Variants in ST7L observed in about 807,000 individuals in gnomAD.
ST7L encodes the protein suppressor of tumorigenicity 7 protein-like.
Under a neutral mutation model 72.5 loss-of-function variants are expected in ST7L, and 57 were observed. The ratio of observed to expected loss-of-function variants is 0.79; its 90% CI spans 0.64 to 0.98. The LOEUF (loss-of-function observed/expected upper bound fraction) is 0.98, where lower values mean the gene tolerates loss of function less well. Ranked by LOEUF, ST7L falls within the 50% of genes least tolerant of loss-of-function variation. The probability of loss-of-function intolerance (pLI) is 0.00; values close to 1 mark genes in which losing one functional copy is unlikely to be tolerated. For synonymous variants in ST7L, 221 were observed against 240.9 expected, an observed-to-expected ratio of 0.92 and a Z score of 0.77; for missense variants, 576 against 672.2, an observed-to-expected ratio of 0.86 and a Z score of 1.58.
At chr1:112,590,963 C>T (rs916323723) in intron 6 of ST7L, among the ~76,000 whole-genome samples, 1 of 135,460 alleles carries the variant, frequency 7.4e-6, no homozygotes, top group Non-Finnish European at 1.5e-5. Context: ...CAGAGTCTTG[C>T]TCTGTCGCCC....
At chr1:112,521,753 G>A (rs575907911), downstream of ST7L, 56 of 152,254 alleles carry the variant, frequency 3.7e-4, no homozygotes, top group African/African-American at 1.2e-3. Flanking sequence ...TTGCAGTAGT[G>A]GAATCTCCAG....
At chr1:112,573,348 C>CA (rs35107656) in intron 11 of ST7L, among the ~76,000 whole-genome samples, 1,352 of 69,184 alleles carry the variant, frequency 0.02, 12 homozygotes, top group African/African-American at 0.033. Context: ...AACTCCCTCT[C>CA]AAAAAAAAAA....
intron 14 of ST7L, among the ~76,000 whole-genome samples, chr1:112,535,908 G>A (rs1321671838): frequency 3.9e-5 from 6 of 152,076 alleles, no homozygotes; most frequent in Non-Finnish European, 5.9e-5. Context: ...GGTAGAGAAC[G>A]TCTTTTCTCT....
chr1:112,541,593 T>C (rs970847103), intron 14 of ST7L, among the ~76,000 whole-genome samples: 1 of 152,188 alleles, frequency 6.6e-6, no homozygotes, highest in Non-Finnish European at 1.5e-5. Flanking sequence ...TGAGAACTAA[T>C]GATTTCATTT....
intron 11 of ST7L, among the ~76,000 whole-genome samples, chr1:112,570,038 C>G (rs1661809032): frequency 6.9e-6 from 1 of 144,482 alleles, no homozygotes; most frequent in Non-Finnish European, 1.5e-5. Context: ...ATGAATGAAA[C>G]AGAATGCAGT....
chr1:112,595,592 A>G (rs1261446636), intron 5 of ST7L, among the ~76,000 whole-genome samples: 1 of 151,804 alleles, frequency 6.6e-6, no homozygotes, highest in Non-Finnish European at 1.5e-5. Context: ...GATGAATTTT[A>G]AACTTTTTTT....
At chr1:112,606,294 A>G (rs1668230366) in intron 3 of ST7L, among the ~76,000 whole-genome samples, 1 of 152,198 alleles carries the variant, frequency 6.6e-6, no homozygotes, top group African/African-American at 2.4e-5. Context: ...TTCCTTTCAC[A>G]TTTCACTATA....
chr1:112,593,009 T>C (rs1665930226), intron 5 of ST7L, among the ~76,000 whole-genome samples: 1 of 152,194 alleles, frequency 6.6e-6, no homozygotes, highest in Non-Finnish European at 1.5e-5. Flanking sequence ...TATTAATTTA[T>C]ACTTTTTCAG....
intron 6 of ST7L, among the ~76,000 whole-genome samples, chr1:112,584,486 C>T (rs1470761518): frequency 6.6e-6 from 1 of 151,802 alleles, no homozygotes; most frequent in East Asian, 1.9e-4. Context: ...CTCTACTGGT[C>T]ATACCTGCTT....
chr1:112,519,354 G>A (rs118129401), downstream of ST7L, among the ~76,000 whole-genome samples: 67 of 152,240 alleles, frequency 4.4e-4, no homozygotes, highest in East Asian at 0.012. Flanking sequence ...AGTGACATTT[G>A]GAGACTAATT....
At chr1:112,520,576 T>G, downstream of ST7L, 1 of 1,512,016 alleles carries the variant, frequency 6.6e-7, no homozygotes, top group South Asian at 1.2e-5. Context: ...GATCCTTGCA[T>G]GCACACCTTC....
rs761547871 is a variant in ST7L at position 112,555,928 on chromosome 1, G to A, written c.1336C>T (p.Leu446Phe). The A allele has an allele frequency of 5.0e-6, 8 of 1,612,488 alleles. No homozygotes were observed. The highest frequency in any genetic ancestry group is 5.9e-6 in the Non-Finnish European group (7 of 1,179,030). Residue 446 changes from leucine (L) to phenylalanine (F), a missense_variant, in exon 12 of 15, where the codon CTT becomes TTT. Leu to Phe is a conservative substitution (Grantham distance 22). Transcript: ENST00000358039. Reference protein sequence around the residue: ...SEAIAYAFFHLQHWKRIEGAL... With the variant: ...SEAIAYAFFHFQHWKRIEGAL... ...CCTTCTATTCGTTTCCAGTGCTGAA[G>A]ATGAAAGAAAGCATAGGCAATTGCT...
intron 11 of ST7L, among the ~76,000 whole-genome samples, chr1:112,568,844 TTATAAA>T (rs1337407906): frequency 4.4e-4 from 45 of 101,860 alleles, no homozygotes; most frequent in Admixed American, 1.8e-3. Flanking sequence ...ACCCTGTTTT[TTATAAA>T]TATAAATATA....
chr1:112,597,807 A>T (rs1666701369), intron 5 of ST7L, among the ~76,000 whole-genome samples, 164 bp downstream of exon 5: 1 of 152,280 alleles, frequency 6.6e-6, no homozygotes, highest in South Asian at 2.1e-4. Context: ...CAGTGTATCA[A>T]CCTAGCTTAT....
intron 9 of ST7L, among the ~76,000 whole-genome samples, chr1:112,581,344 C>A (rs1231670818): frequency 2.0e-5 from 3 of 151,842 alleles, no homozygotes; most frequent in Non-Finnish European, 2.9e-5. Context: ...GCTCATTTGT[C>A]TGTATGCTCC....
intron 13 of ST7L, among the ~76,000 whole-genome samples, chr1:112,548,922 T>C (rs995299230): frequency 2.0e-5 from 3 of 152,194 alleles, no homozygotes; most frequent in Non-Finnish European, 4.4e-5. Flanking sequence ...GACTGCTCTT[T>C]TTCAATTCGT....
intron 11 of ST7L, among the ~76,000 whole-genome samples, chr1:112,566,540 G>A (rs934439727): frequency 6.6e-6 from 1 of 151,780 alleles, no homozygotes; most frequent in Non-Finnish European, 1.5e-5. Flanking sequence ...CTCGTGATCC[G>A]CCCTCCTCAG....
At chr1:112,611,611 T>C (rs1318666323) in intron 2 of ST7L, among the ~76,000 whole-genome samples, 1 of 152,182 alleles carries the variant, frequency 6.6e-6, no homozygotes, top group East Asian at 1.9e-4. Context: ...AGGATATTCA[T>C]TTCTTTCTAT....
chr1:112,587,209 G>A (rs1476770956), intron 6 of ST7L, among the ~76,000 whole-genome samples: 1 of 152,080 alleles, frequency 6.6e-6, no homozygotes, highest in Non-Finnish European at 1.5e-5. Context: ...ATGAGGTAAG[G>A]GACCACCTTT....
Sources: gnomAD v4.1 joint callset for allele counts (sites outside exome capture counted in the v4.1 genomes callset) on GRCh38, gnomAD v4.1.1 for gene constraint, MANE v1.5 for transcripts, NCBI Gene and HGNC (gene_info 2026-07-23, HGNC 2026-07-21) for gene names.